Variants in KMT2C observed in about 807,000 individuals in gnomAD.
The protein encoded by KMT2C is lysine methyltransferase 2C.
KMT2C carries 88 observed loss-of-function variants against 507.9 expected under a neutral mutation model. The observed-to-expected ratio is 0.17, with a 90% CI of 0.15 to 0.21. The LOEUF (loss-of-function observed/expected upper bound fraction) is 0.21. Ranked by LOEUF, KMT2C falls within the 10% of genes least tolerant of loss-of-function variation. The pLI is 1.00. For synonymous variants in KMT2C, 2,049 were observed against 2,080.8 expected (o/e 0.98, Z 0.42); for missense variants, 4,954 against 5,957.8 (o/e 0.83, Z 5.55).
intron 27 of KMT2C, 100 bp from the exon 28 acceptor site, chr7:152,196,111 T>C (rs556888519): frequency 2.0e-6 from 1 of 507,430 alleles, no homozygotes; most frequent in African/African-American, 2.0e-5. Context: ...GTGAGGCAAG[T>C]ACTGGAATAA....
intron 2 of KMT2C, among the ~76,000 whole-genome samples, chr7:152,337,824 G>C (rs1295775391): frequency 1.3e-5 from 2 of 150,990 alleles, no homozygotes; most frequent in Non-Finnish European, 2.9e-5. Context: ...ATAGTCTATG[G>C]ATTCACTTGT....
At chr7:152,265,249 A>C (rs747188893) in intron 7 of KMT2C, 40 bp from the exon 8 acceptor site, 3 of 1,606,386 alleles carry the variant, frequency 1.9e-6, no homozygotes, top group Non-Finnish European at 2.6e-6. Context: ...TTGTATAAGA[A>C]TTTAAATTTT....
chr7:152,311,501 T>A (rs1357938464), intron 5 of KMT2C, among the ~76,000 whole-genome samples: 1 of 152,004 alleles, frequency 6.6e-6, no homozygotes, highest in Non-Finnish European at 1.5e-5. Context: ...ACTTTAAAAT[T>A]TTCCCCTTTA....
chr7:152,299,319 A>T (rs1421573949), intron 6 of KMT2C, among the ~76,000 whole-genome samples: 5 of 146,762 alleles, frequency 3.4e-5, no homozygotes, highest in South Asian at 2.2e-4. Context: ...TCTATCTCAA[A>T]AAATAAATAA....
Position 152,163,746 on chromosome 7 carries a change from T to TG in KMT2C, c.9830dup (p.Pro3278ThrfsTer48). Reference sequence around the variant, plus strand: ...GCTGGACACTGGGCATCATGGTAGGTGGGGCCATTGCACATTGCTGCTGCT... The same window carrying TG: ...GCTGGACACTGGGCATCATGGTAGGTGGGGGCCATTGCACATTGCTGCTGCT... On this transcript the variant is annotated frameshift_variant, in exon 43 of 59. Coordinates refer to ENST00000262189, the MANE Select transcript of KMT2C (RefSeq NM_170606.3). LOFTEE classifies it high-confidence loss of function. The TG allele has an allele frequency of 6.2e-7, 1 of 1,614,188 alleles. No individual in the cohort carries two copies. The highest frequency in any genetic ancestry group is 8.5e-7 in the Non-Finnish European group (1 of 1,180,034).
intron 53 of KMT2C, 92 bp from the exon 54 acceptor site, chr7:152,145,387 T>C (rs1304450082): frequency 7.8e-6 from 10 of 1,280,066 alleles, no homozygotes; most frequent in Non-Finnish European, 1.1e-5. Context: ...ACGACAGAAA[T>C]AACTCATCAG....
At chr7:152,172,221 T>C (rs921018963) in intron 39 of KMT2C, among the ~76,000 whole-genome samples, 5 of 152,216 alleles carry the variant, frequency 3.3e-5, no homozygotes, top group African/African-American at 1.2e-4. Flanking sequence ...ACATGGTCTA[T>C]CATCCTAACT....
chr7:152,201,116 T>A (rs2094123099), intron 26 of KMT2C, among the ~76,000 whole-genome samples: 1 of 152,208 alleles, frequency 6.6e-6, no homozygotes, highest in East Asian at 1.9e-4. Context: ...GCAAGAATTC[T>A]GTCTAATGAC....
chr7:152,308,673 C>CAAAAAAAAAA lies in KMT2C; in HGVS notation c.849+1283_849+1292dup, dbSNP rs938826373. ...CTGCACAACACAGCAAAACTCCTCT[C>CAAAAAAAAAA]AAAAAAAAAAAAAAAAAAAAAAAAA... On this transcript the variant is annotated intron_variant, in intron 6 of 58. Coordinates refer to ENST00000262189, the MANE Select transcript of KMT2C (RefSeq NM_170606.3). Among the ~76,000 whole-genome samples the CAAAAAAAAAA allele has an allele frequency of 2.6e-3, 64 of 24,566 alleles. 8 individuals are homozygous for CAAAAAAAAAA. The highest frequency in any genetic ancestry group is 6.2e-3 in the African/African-American group (42 of 6,730). The allele number at this position is 24,566 out of a possible 152,430, so 16.1% of individuals were successfully genotyped here.
intron 1 of KMT2C, among the ~76,000 whole-genome samples, chr7:152,399,855 A>G (rs372316477): frequency 3.3e-4 from 50 of 152,264 alleles, no homozygotes; most frequent in African/African-American, 1.2e-3. Context: ...CATTTAAAAT[A>G]TAACTTCCAA....
rs368800530 is a variant in KMT2C at position 152,263,004 on chromosome 7, T to C, written c.1299+12A>G. 665 of 1,582,518 alleles carry C rather than the reference T, an allele frequency of 4.2e-4. No homozygotes were observed. The highest frequency in any genetic ancestry group is 5.4e-4 in the Non-Finnish European group (629 of 1,161,186). On this transcript the variant is annotated intron_variant, in intron 9 of 58. Transcript: ENST00000262189. Reference sequence around the variant, plus strand: ...GAGAGGATTTAAAAAAATAAATAAATAAACAACTTACTTTGCATTTCCAGC... The same window carrying C: ...GAGAGGATTTAAAAAAATAAATAAACAAACAACTTACTTTGCATTTCCAGC...
intron 6 of KMT2C, among the ~76,000 whole-genome samples, chr7:152,279,032 T>C (rs1424405607): frequency 1.3e-5 from 2 of 151,956 alleles, no homozygotes; most frequent in East Asian, 3.8e-4. Flanking sequence ...CATAGAATTT[T>C]CAAAAAAAAA....
intron 1 of KMT2C, among the ~76,000 whole-genome samples, chr7:152,400,245 G>A (rs921692635): frequency 6.6e-6 from 1 of 151,990 alleles, no homozygotes; most frequent in African/African-American, 2.4e-5. Context: ...GGAGGCAGAG[G>A]TTGCAATGTG....
intron 2 of KMT2C, among the ~76,000 whole-genome samples, chr7:152,332,168 A>C (rs889308217): frequency 3.3e-5 from 5 of 152,124 alleles, no homozygotes; most frequent in African/African-American, 1.2e-4. Context: ...CAAACACCTT[A>C]AATGTTCTTT....
chr7:152,210,766 A>AT (rs2094437780), intron 23 of KMT2C, among the ~76,000 whole-genome samples: 1 of 152,200 alleles, frequency 6.6e-6, no homozygotes, highest in South Asian at 2.1e-4. Flanking sequence ...GAGGGATAAT[A>AT]TAAGATACCC....
At chr7:152,139,163 C>T (rs765849785) in intron 57 of KMT2C, 23 bp downstream of exon 57, 96 of 1,612,140 alleles carry the variant, frequency 6.0e-5, no homozygotes, top group Middle Eastern at 4.9e-4. Context: ...AAGCACTCCC[C>T]GTCAGGTTCC....
chr7:152,182,517 C>T lies in KMT2C; in HGVS notation c.5343G>A (p.Gln1781=), dbSNP rs1225974576. ...AACCAAATTGCTGTTGTTGCTGCTG[C>T]TGCTGCTCATTTTTCACCTGTTCAA... The part of the protein sequence containing the change: ...QKLEQVKNEQ[Q]QQQQQQFGSQ... Residue 1781 remains glutamine, a synonymous_variant, in exon 36 of 59, where the codon CAG becomes CAA. Coordinates refer to ENST00000262189, the MANE Select transcript of KMT2C (RefSeq NM_170606.3). 4 of 1,613,694 alleles carry T rather than the reference C, an allele frequency of 2.5e-6. No individual in the cohort carries two copies. In the South Asian group the frequency reaches 4.4e-5, roughly 18 times the overall value.
intron 2 of KMT2C, among the ~76,000 whole-genome samples, chr7:152,331,642 ATTTTTTT>A (rs34778581): frequency 2.9e-4 from 29 of 99,320 alleles, no homozygotes; most frequent in South Asian, 3.2e-4. Context: ...CAACAAAAAG[ATTTTTTT>A]TTTTTTTTTT....
Position 152,179,871 on chromosome 7 carries a change from C to G in KMT2C, c.7405G>C (p.Asp2469His), listed in dbSNP as rs762381296. The change falls in exon 37 of 59, where the codon GAT becomes CAT. Residue 2469 changes from aspartate (D) to histidine (H), a missense_variant. This residue lies in a region of KMT2C where 1,689 missense variants were observed against 1,654.3 expected (regional missense o/e 1.02). Transcript: ENST00000262189. Reference sequence around the variant, plus strand: ...GGTCTCATCCCCATACTAGCAACATCAGGAGGATAGGGTCCACGCTGATCT... The same window carrying G: ...GGTCTCATCCCCATACTAGCAACATGAGGAGGATAGGGTCCACGCTGATCT... ...PKDQRGPYPPDVASMGMRPHG... is the reference protein window; with the variant it reads ...PKDQRGPYPPHVASMGMRPHG... The G allele has an allele frequency of 6.2e-7, 1 of 1,613,964 alleles. No individual in the cohort carries two copies. The highest frequency in any genetic ancestry group is 1.3e-5 in the African/African-American group (1 of 74,906).
Sources: gnomAD v4.1 joint callset for allele counts (sites outside exome capture counted in the v4.1 genomes callset) on GRCh38, gnomAD v4.1.1 for gene constraint, gnomAD v4.1.1 regional missense constraint, MANE v1.5 for transcripts, NCBI Gene and HGNC (gene_info 2026-07-23, HGNC 2026-07-21) for gene names.